ARHGAP18: variants seen among roughly 807,000 people sequenced by gnomAD.
ARHGAP18 encodes the protein Rho GTPase activating protein 18.
A neutral mutation model predicts 86.2 loss-of-function variants in ARHGAP18; 67 were observed. The ratio of observed to expected loss-of-function variants is 0.78; its 90% CI spans 0.64 to 0.95. ARHGAP18 has a LOEUF of 0.95. Among genes scored for constraint, ARHGAP18 ranks in the 40% least tolerant of loss-of-function variants. ARHGAP18 has a pLI of 0.00. For missense variants in ARHGAP18, 691 were observed against 780.4 expected (o/e 0.89, Z 1.37); for synonymous variants, 283 against 280.4 (o/e 1.01, Z -0.09).
rs372951773 is a variant in ARHGAP18, at chr6:129,616,281, T to C, written c.975A>G (p.Pro325=). ...KTKDSGLFCV[P]LTALLEQDQR... ...GATCTTGTTCTAATAGCGCTGTCAA[T>C]GGAACGCAAAAAAGACCAGAATCTG... is the stretch of plus-strand genomic sequence containing the variant. The change falls in exon 7 of 15, where the codon CCA becomes CCG. Residue 325 remains proline, a synonymous_variant. Transcript: ENST00000368149. 17 of 1,609,750 alleles carry C rather than the reference T, an allele frequency of 1.1e-5. No homozygotes were observed. The highest frequency in any genetic ancestry group is 6.7e-5 in the Admixed American group (4 of 59,850).
chr6:129,641,453 T>C (rs1773462636), intron 2 of ARHGAP18, among the ~76,000 whole-genome samples: 1 of 152,194 alleles, frequency 6.6e-6, no homozygotes, highest in Admixed American at 6.5e-5. Context: ...TGCAAAGCAG[T>C]GCTCTATCAC....
intron 1 of ARHGAP18, among the ~76,000 whole-genome samples, chr6:129,658,544 A>C (rs1773887185): frequency 6.6e-6 from 1 of 152,230 alleles, no homozygotes; most frequent in Admixed American, 6.5e-5. Flanking sequence ...AATTAGTGAG[A>C]AACTGTGTGG....
In ARHGAP18 at chr6:129,625,767, A is replaced by G. The variant is rs1481413996; in HGVS notation, c.786+3586T>C. Among the ~76,000 whole-genome samples, 2 of 31,288 alleles carry G rather than the reference A, an allele frequency of 6.4e-5. 1 individual carries two copies. Among genetic ancestry groups the G allele is most frequent in the South Asian group, 1.8e-3 (2 of 1,140 alleles). 20.5% of individuals were successfully genotyped at this position (31,288 alleles called of 152,430 possible). On this transcript the variant is annotated intron_variant, in intron 5 of 14. Transcript: ENST00000368149. The stretch of plus-strand genomic sequence containing the variant: ...TTTATATATTATATATTTATATATT[A>G]TATATATTTATATATATAATATATA...
chr6:129,620,525 G>A (rs1789205421), intron 5 of ARHGAP18, among the ~76,000 whole-genome samples: 1 of 152,128 alleles, frequency 6.6e-6, no homozygotes, highest in African/African-American at 2.4e-5. Context: ...AGATAAAAAG[G>A]CAAATTTCAC....
chr6:129,695,195 ATC>A (rs1424606986), intron 1 of ARHGAP18, among the ~76,000 whole-genome samples: 1 of 152,206 alleles, frequency 6.6e-6, no homozygotes, highest in South Asian at 2.1e-4. Context: ...AAGTCTCTGC[ATC>A]TCTCTTTTAG....
intron 1 of ARHGAP18, among the ~76,000 whole-genome samples, chr6:129,674,179 G>T (rs1446172885): frequency 6.6e-6 from 1 of 152,174 alleles, no homozygotes; most frequent in Admixed American, 6.5e-5. Context: ...AGAAACAAGT[G>T]TAAGATGTTA....
At chr6:129,670,400 G>A (rs1176636685) in intron 1 of ARHGAP18, among the ~76,000 whole-genome samples, 1 of 152,136 alleles carries the variant, frequency 6.6e-6, no homozygotes, top group East Asian at 1.9e-4. Context: ...TTAACGAAGT[G>A]GAAGATGGAG....
At chr6:129,704,769 A>C (rs1774776594) in intron 1 of ARHGAP18, among the ~76,000 whole-genome samples, 1 of 152,160 alleles carries the variant, frequency 6.6e-6, no homozygotes, top group Non-Finnish European at 1.5e-5. Context: ...GGGACCTTTT[A>C]AATGTGCTCT....
intron 3 of ARHGAP18, among the ~76,000 whole-genome samples, chr6:129,636,977 C>T (rs73592419): frequency 0.01 from 1,529 of 152,300 alleles, 25 homozygotes; most frequent in African/African-American, 0.033. Context: ...GATGCCCTTA[C>T]AGGTAAGTAA....
At chr6:129,614,951 T>C (rs1562691103) in intron 7 of ARHGAP18, among the ~76,000 whole-genome samples, 1 of 152,182 alleles carries the variant, frequency 6.6e-6, no homozygotes, top group Non-Finnish European at 1.5e-5. Flanking sequence ...GGACTCAAGA[T>C]GGTAGCATCA....
intron 7 of ARHGAP18, among the ~76,000 whole-genome samples, chr6:129,613,740 T>G (rs776066352): frequency 6.6e-6 from 1 of 152,210 alleles, no homozygotes; most frequent in Non-Finnish European, 1.5e-5. Flanking sequence ...TACATTATAT[T>G]GCATTATTAA....
chr6:129,685,374 G>GCAGGCACCTGTA (rs150214237), intron 1 of ARHGAP18, among the ~76,000 whole-genome samples: 21,927 of 151,830 alleles, frequency 0.14, 2,337 homozygotes, highest in African/African-American at 0.29. Flanking sequence ...AGGCATGGTG[G>GCAGGCACCTGTA]CAGGCACCTG....
intron 12 of ARHGAP18, among the ~76,000 whole-genome samples, chr6:129,588,350 A>C (rs1788442726): frequency 6.6e-6 from 1 of 152,186 alleles, no homozygotes. Context: ...CCCTGACCTC[A>C]AGTGATCCAC....
At chr6:129,687,699 T>C (rs1774453087) in intron 1 of ARHGAP18, among the ~76,000 whole-genome samples, 1 of 152,254 alleles carries the variant, frequency 6.6e-6, no homozygotes, top group African/African-American at 2.4e-5. Flanking sequence ...ATCTCTAGAT[T>C]CTTCCACATA....
At chr6:129,632,499 T>G (rs1773238924) in intron 4 of ARHGAP18, among the ~76,000 whole-genome samples, 2 of 152,068 alleles carry the variant, frequency 1.3e-5, no homozygotes, top group African/African-American at 4.8e-5. Flanking sequence ...ATTCACCAAC[T>G]GCCAGTCACT....
chr6:129,611,803 A>G (rs1788986202), intron 7 of ARHGAP18, among the ~76,000 whole-genome samples, 193 bp from the exon 8 acceptor site: 1 of 152,222 alleles, frequency 6.6e-6, no homozygotes, highest in Admixed American at 6.5e-5. Context: ...ATAATTTAGA[A>G]AAAGTTGGGC....
In ARHGAP18 at chr6:129,578,127, G is replaced by A. The variant is rs1432145250; in HGVS notation, c.*386C>T. ...CTAACTGGGAAAGGGTAGATGTGAG[G>A]AGGTAATAGAGGTGAGAGAGCATAT... On this transcript the variant is annotated 3_prime_UTR_variant, in exon 15 of 15. Coordinates refer to ENST00000368149, the MANE Select transcript of ARHGAP18 (RefSeq NM_033515.3). 6.6e-6 allele frequency: 1 copy of A among 152,050 alleles called. No individual in the cohort carries two copies. Among genetic ancestry groups the A allele is most frequent in the Non-Finnish European group, 1.5e-5 (1 of 68,050 alleles). The allele number at this position is 152,050 out of a possible 1,614,324, so 9.4% of individuals were successfully genotyped here. A position where few individuals can be genotyped will look rare whatever the true frequency, so the allele number is the denominator to read the frequency against.
At position 129,633,685 on chromosome 6, in the gene ARHGAP18, G is replaced by C. The variant is rs534351236; in HGVS notation, c.616+357C>G. Among the ~76,000 whole-genome samples, 5 of 152,228 alleles carry C rather than the reference G, an allele frequency of 3.3e-5. No homozygotes were observed. The East Asian group carries it at 7.7e-4, about 23-fold the overall frequency. ...ACTAGCTGTGTTGCATTGGAAAGTG[G>C]CTTCACAGCTCTAAGCCTCAGTTCA... On this transcript the variant is annotated intron_variant, in intron 4 of 14. Transcript: ENST00000368149.
chr6:129,700,207 A>T (rs1457322555), intron 1 of ARHGAP18, among the ~76,000 whole-genome samples: 1 of 152,248 alleles, frequency 6.6e-6, no homozygotes, highest in Non-Finnish European at 1.5e-5. Flanking sequence ...TCAAATACTT[A>T]GCTATAATGA....
Sources: gnomAD v4.1 joint callset for allele counts (sites outside exome capture counted in the v4.1 genomes callset) on GRCh38, gnomAD v4.1.1 for gene constraint, MANE v1.5 for transcripts, NCBI Gene and HGNC (gene_info 2026-07-23, HGNC 2026-07-21) for gene names.